The following CNKSR1 variants were observed in gnomAD, a reference collection of about 807,000 sequenced individuals.
CNKSR1 encodes connector enhancer of kinase suppressor of Ras 1, also known as CNK homolog protein 1.
In CNKSR1, 88 loss-of-function variants were observed where a neutral mutation model predicts 95.6. The ratio of observed to expected loss-of-function variants is 0.92; its 90% confidence interval spans 0.78 to 1.10. The LOEUF is 1.10. CNKSR1 is among the 50% of genes least tolerant of loss of function. CNKSR1 has a pLI of 0.00. For synonymous variants in CNKSR1, 355 were observed against 369.7 expected (o/e 0.96, Z 0.46); for missense variants, 836 against 912.0 (o/e 0.92, Z 1.07).
In CNKSR1 at chr1:26,184,440, C is replaced by CG; in HGVS notation, c.1042dup (p.Glu348GlyfsTer18). The CG allele has an allele frequency of 6.2e-7, 1 of 1,613,386 alleles. No individual in the cohort carries two copies. The highest frequency in any genetic ancestry group is 8.5e-7 in the Non-Finnish European group (1 of 1,179,782). ...GGCCCTGAGCCCCTGCCCATCCCCC[C>CG]GGAACCCCCAGCCATACTCCCAGCA... is the stretch of plus-strand genomic sequence containing the variant. On this transcript the variant is annotated frameshift_variant, in exon 12 of 21. Transcript: ENST00000361530. LOFTEE classifies it high-confidence loss of function.
In CNKSR1 at chr1:26,185,025, C is replaced by T. The variant is rs1370249906; in HGVS notation, c.1147C>T (p.Arg383Trp). 8.1e-6 allele frequency: 13 copies of T among 1,598,356 alleles called. No homozygotes were observed. The highest frequency in any genetic ancestry group is 2.2e-5 in the South Asian group (2 of 89,938). The change falls in exon 14 of 21, where the codon CGG becomes TGG. Residue 383 changes from arginine (R) to tryptophan (W), a missense_variant. Physicochemically the swap from Arg to Trp is moderately radical, Grantham distance 101. Coordinates refer to ENST00000361530, the MANE Select transcript of CNKSR1 (RefSeq NM_006314.3). The part of the protein sequence containing the change: ...GRKKSKGLAT[R>W]LSRRRVSCRE... ...CTGTGCTGCTACAGGCCTGGCGACCCGGCTGAGCCGCCGGCGGGTGTCATG... is the reference window on the plus strand; with the variant it reads ...CTGTGCTGCTACAGGCCTGGCGACCTGGCTGAGCCGCCGGCGGGTGTCATG...
Position 26,189,464 on chromosome 1 carries a change from C to G in CNKSR1, c.2058C>G (p.Pro686=). Residue 686 remains proline (P), a synonymous_variant, in exon 21 of 21, where the codon CCC becomes CCG. Transcript: ENST00000361530. ...ILTSDSTEQS[P]HSLPSDPEEH... ...CCTCTGACTCCACAGAACAGTCCCC[C>G]CACTCCCTGCCCTCTGACCCTGAAG... The G allele has an allele frequency of 6.2e-7, 1 of 1,614,078 alleles. No individual in the cohort carries two copies. The highest frequency in any genetic ancestry group is 8.5e-7 in the Non-Finnish European group (1 of 1,179,950).
intron 8 of CNKSR1, 28 bp downstream of exon 8, chr1:26,183,442 G>A (rs763424481): frequency 6.2e-7 from 1 of 1,611,622 alleles, no homozygotes; most frequent in East Asian, 2.2e-5. Flanking sequence ...CATGGTAGGA[G>A]GTGAAGGGGT....
intron 3 of CNKSR1, 155 bp downstream of exon 3, chr1:26,181,051 G>C: frequency 1.1e-6 from 1 of 879,518 alleles, no homozygotes; most frequent in South Asian, 1.4e-5. Flanking sequence ...AGGCCGAAGC[G>C]GGCAGATCAC....
At chr1:26,181,280 C>CAA (rs11392737) in intron 3 of CNKSR1, among the ~76,000 whole-genome samples, 1,058 of 48,110 alleles carry the variant, frequency 0.022, 25 homozygotes, top group African/African-American at 0.052. Flanking sequence ...GACTCCCTCT[C>CAA]AAAAAAAAAA....
chr1:26,185,542 G>T (rs919141598), intron 14 of CNKSR1, among the ~76,000 whole-genome samples: 1 of 151,810 alleles, frequency 6.6e-6, no homozygotes, highest in Non-Finnish European at 1.5e-5. Context: ...ACAGGCGCCC[G>T]CCACAACGCC....
chr1:26,184,100 C>A lies in CNKSR1; in HGVS notation c.885C>A (p.His295Gln). The change falls in exon 10 of 21, where the codon CAC becomes CAA. Residue 295 changes from histidine (H) to glutamine (Q), a missense_variant. Coordinates refer to ENST00000361530, the MANE Select transcript of CNKSR1 (RefSeq NM_006314.3). Reference protein sequence around the residue: ...QTPPQVLDSPHQRSPSLSLAP... With the variant: ...QTPPQVLDSPQQRSPSLSLAP... ...CCCCTCAGGTCCTGGACTCCCCGCA[C>A]CAGAGGAGCCCATCACTGTCTCTGG... 2.5e-6 allele frequency: 4 copies of A among 1,612,220 alleles called. No individual in the cohort carries two copies. The highest frequency in any genetic ancestry group is 3.4e-6 in the Non-Finnish European group (4 of 1,179,610).
At chr1:26,181,803 C>G in intron 3 of CNKSR1, 54 bp from the exon 4 acceptor site, 2 of 1,549,240 alleles carry the variant, frequency 1.3e-6, no homozygotes, top group Non-Finnish European at 1.8e-6. Flanking sequence ...GAGTAATTGG[C>G]TCTGAGTGGT....
chr1:26,180,936 C>T (rs1181929992), intron 3 of CNKSR1, 40 bp downstream of exon 3: 2 of 1,611,572 alleles, frequency 1.2e-6, no homozygotes, highest in South Asian at 2.2e-5. Context: ...CTATTGTCAT[C>T]CTTGGCCTCC....
intron 14 of CNKSR1, among the ~76,000 whole-genome samples, chr1:26,185,613 C>T (rs1328991916): frequency 2.6e-5 from 4 of 151,904 alleles, no homozygotes; most frequent in African/African-American, 7.3e-5. Flanking sequence ...AGGATGGTCT[C>T]GATCTCCTGA....
At position 26,182,551 on chromosome 1, in the gene CNKSR1, C is replaced by T. The variant is rs772120606; in HGVS notation, c.591C>T (p.Ala197=). 14 of 1,613,520 alleles carry T rather than the reference C, an allele frequency of 8.7e-6. No homozygotes were observed. Among genetic ancestry groups the T allele is most frequent in the Middle Eastern group, 1.8e-4 (1 of 5,678 alleles). The change falls in exon 6 of 21, where the codon GCC becomes GCT. Residue 197 remains alanine (A), a synonymous_variant. Transcript: ENST00000361530. ...CCPKELLEQK[A]VLEQVQLDSP... is the part of the protein sequence containing the mutation. ...CCAAGGAGCTGCTGGAACAGAAGGC[C>T]GTGCTCGAGCAGGTGCAGCTGGACA...
intron 9 of CNKSR1, 33 bp from the exon 10 acceptor site, chr1:26,184,038 G>A: frequency 1.3e-6 from 2 of 1,566,652 alleles, no homozygotes; most frequent in South Asian, 1.1e-5. Context: ...TCAGACCCCT[G>A]TCTCCATTGC....
At chr1:26,177,992 C>A (rs1361245743) in intron 1 of CNKSR1, among the ~76,000 whole-genome samples, 1 of 151,928 alleles carries the variant, frequency 6.6e-6, no homozygotes, top group Non-Finnish European at 1.5e-5. Context: ...TAATAAACTG[C>A]GGGCTCTATC....
chr1:26,182,431 G>A, intron 5 of CNKSR1, 29 bp downstream of exon 5: 1 of 1,613,936 alleles, frequency 6.2e-7, no homozygotes, highest in Non-Finnish European at 8.5e-7. Context: ...AAGAGAGTGG[G>A]GGTAGGGGCG....
chr1:26,177,692 C>T lies in CNKSR1; in HGVS notation c.52+93C>T, dbSNP rs898832585. 5 of 1,457,496 alleles carry T rather than the reference C, an allele frequency of 3.4e-6. No individual in the cohort carries two copies. In the Admixed American group the frequency reaches 7.7e-5, roughly 23 times the overall value. 90.3% of individuals were successfully genotyped at this position (1,457,496 alleles called of 1,614,324 possible). A position where few individuals can be genotyped will look rare whatever the true frequency, so the allele number is the denominator to read the frequency against. ...GGAGAGGAAAAGGAAAAAAAATCTG[C>T]GGACTGGGTGCGCTGGTTCACACCT... is the stretch of plus-strand genomic sequence containing the variant. On this transcript the variant is annotated intron_variant, in intron 1 of 20. Coordinates refer to ENST00000361530, the MANE Select transcript of CNKSR1 (RefSeq NM_006314.3).
chr1:26,181,488 G>A (rs909573864), intron 3 of CNKSR1: 2 of 259,014 alleles, frequency 7.7e-6, no homozygotes, highest in East Asian at 9.6e-5. Context: ...ATGTCATCTC[G>A]GGGAAGCCTT....
chr1:26,182,219 G>T, intron 4 of CNKSR1, 142 bp from the exon 5 acceptor site: 1 of 866,492 alleles, frequency 1.2e-6, no homozygotes, highest in Non-Finnish European at 1.8e-6. Context: ...TTAAAACGCT[G>T]AGGCCCTGTG....
chr1:26,184,946 C>T (rs1469617215), intron 13 of CNKSR1, 68 bp from the exon 14 acceptor site: 2 of 1,463,502 alleles, frequency 1.4e-6, no homozygotes, highest in South Asian at 1.2e-5. Context: ...TTGTGGAAGG[C>T]AGGGAGTAGG....
chr1:26,188,966 GC>G lies in CNKSR1; in HGVS notation c.1872+14del. 6.2e-7 allele frequency: 1 copy of G among 1,612,472 alleles called. No individual in the cohort carries two copies. The highest frequency in any genetic ancestry group is 8.5e-7 in the Non-Finnish European group (1 of 1,179,256). ...GAGCACACTCAAGGTCAGCTGGGGG[GC>G]TCTGGGCACAGCAAGGGACTAGGCT... On this transcript the variant is annotated intron_variant, in intron 20 of 20. Coordinates refer to ENST00000361530, the MANE Select transcript of CNKSR1 (RefSeq NM_006314.3).
Sources: allele counts gnomAD v4.1 joint callset (sites outside exome capture counted in the v4.1 genomes callset), GRCh38; gene constraint gnomAD v4.1.1; transcripts MANE v1.5; gene names NCBI Gene and HGNC (gene_info 2026-07-23, HGNC 2026-07-21).